Variants in IQCJ observed in about 807,000 individuals in gnomAD.
IQCJ encodes IQ domain-containing protein J.
A neutral mutation model predicts 11.0 loss-of-function variants in IQCJ; 9 were observed. The observed-to-expected ratio is 0.82, with a 90% CI of 0.49 to 1.43. IQCJ has a LOEUF of 1.43. Among genes scored for constraint, IQCJ ranks in the 40% most tolerant of loss-of-function variants. The pLI is 0.00. For missense variants in IQCJ, 146 were observed against 133.2 expected, an observed-to-expected ratio of 1.10 and a Z score of -0.47; for synonymous variants, 55 against 51.3, an observed-to-expected ratio of 1.07 and a Z score of -0.31.
At chr3:159,228,047 C>T (rs569054543) in intron 1 of IQCJ, among the ~76,000 whole-genome samples, 3 of 152,296 alleles carry the variant, frequency 2.0e-5, no homozygotes, top group Non-Finnish European at 2.9e-5. Flanking sequence ...GTAGAGATTC[C>T]ATTCCATGTT....
intron 2 of IQCJ, among the ~76,000 whole-genome samples, chr3:159,249,102 C>T (rs552148350): frequency 9.9e-5 from 15 of 152,228 alleles, no homozygotes; most frequent in Middle Eastern, 3.4e-3. Context: ...GTAATCCACC[C>T]GCCTTGGCCT....
chr3:159,185,704 G>A (rs767897360), intron 1 of IQCJ, among the ~76,000 whole-genome samples: 6 of 152,098 alleles, frequency 3.9e-5, no homozygotes, highest in South Asian at 4.2e-4. Context: ...ATTCCTTTCC[G>A]GCTTTTAGCA....
intron 1 of IQCJ, among the ~76,000 whole-genome samples, chr3:159,194,498 A>G (rs964002942): frequency 6.6e-6 from 1 of 152,186 alleles, no homozygotes; most frequent in African/African-American, 2.4e-5. Context: ...ATCTCCTACA[A>G]TTAGCCCTAG....
chr3:159,161,062 A>G (rs753438578), intron 1 of IQCJ, among the ~76,000 whole-genome samples: 59 of 152,272 alleles, frequency 3.9e-4, no homozygotes, highest in South Asian at 1.2e-3. Flanking sequence ...TGGGATGGCT[A>G]GGTCAAATGA....
chr3:159,079,248 C>T (rs1458081413), intron 1 of IQCJ, among the ~76,000 whole-genome samples: 1 of 152,094 alleles, frequency 6.6e-6, no homozygotes, highest in Non-Finnish European at 1.5e-5. Flanking sequence ...GAGTTCACCA[C>T]CTTTCCAGTT....
intron 1 of IQCJ, among the ~76,000 whole-genome samples, chr3:159,240,758 T>C (rs1414483478): frequency 1.3e-5 from 2 of 151,730 alleles, no homozygotes; most frequent in Non-Finnish European, 2.9e-5. Flanking sequence ...CCCAGCTAAT[T>C]TTTTTGTACT....
chr3:159,145,466 T>G (rs1720872405), intron 1 of IQCJ, among the ~76,000 whole-genome samples: 1 of 152,192 alleles, frequency 6.6e-6, no homozygotes, highest in African/African-American at 2.4e-5. Flanking sequence ...ATAAGTAGCC[T>G]TAAAATTTCC....
Position 159,153,131 on chromosome 3 carries a change from AT to A in IQCJ, c.9+83696del, listed in dbSNP as rs1472431055. Among the ~76,000 whole-genome samples the A allele has an allele frequency of 2.0e-5, 3 of 152,190 alleles. No homozygotes were observed. The East Asian group carries it at 5.8e-4, about 29-fold the overall frequency. On this transcript the variant is annotated intron_variant, in intron 1 of 3. Coordinates refer to ENST00000397832, the MANE Select transcript of IQCJ (RefSeq NM_001042706.3). Reference sequence around the variant, plus strand: ...AAACATTAAACTTTTCTTAATTTTTATTTTTTAAGATAATATTTGGCATACT... The same window carrying A: ...AAACATTAAACTTTTCTTAATTTTTATTTTTAAGATAATATTTGGCATACT...
chr3:159,077,393 A>T (rs954269886), intron 1 of IQCJ, among the ~76,000 whole-genome samples: 1 of 152,140 alleles, frequency 6.6e-6, no homozygotes, highest in Non-Finnish European at 1.5e-5. Flanking sequence ...GAGCAAAGAC[A>T]TGTGGTGAAG....
chr3:159,088,727 G>C (rs1021225870), intron 1 of IQCJ, among the ~76,000 whole-genome samples: 7 of 151,528 alleles, frequency 4.6e-5, no homozygotes, highest in African/African-American at 1.5e-4. Flanking sequence ...TTTTATCAGA[G>C]ACTAGGATTG....
intron 1 of IQCJ, among the ~76,000 whole-genome samples, chr3:159,208,794 T>C (rs965392379): frequency 1.3e-5 from 2 of 152,166 alleles, no homozygotes; most frequent in Non-Finnish European, 2.9e-5. Flanking sequence ...GATCTCAAGA[T>C]CTTTTGAGAT....
At chr3:159,140,545 T>G (rs867556387) in intron 1 of IQCJ, among the ~76,000 whole-genome samples, 2 of 152,164 alleles carry the variant, frequency 1.3e-5, no homozygotes, top group South Asian at 4.1e-4. Flanking sequence ...GTGAAGTCAT[T>G]AGATGGTTTT....
intron 1 of IQCJ, among the ~76,000 whole-genome samples, chr3:159,201,396 A>G (rs1182191745): frequency 6.6e-6 from 1 of 152,200 alleles, no homozygotes; most frequent in Non-Finnish European, 1.5e-5. Context: ...CAAGCACGTT[A>G]GTGGAGAAAA....
chr3:159,095,004 T>A (rs993015604), intron 1 of IQCJ, among the ~76,000 whole-genome samples: 3 of 151,894 alleles, frequency 2.0e-5, no homozygotes, highest in Admixed American at 2.0e-4. Flanking sequence ...GGTTTCCCCA[T>A]TCCCACTTCC....
chr3:159,076,298 C>G (rs1337397705), intron 1 of IQCJ, among the ~76,000 whole-genome samples: 1 of 152,046 alleles, frequency 6.6e-6, no homozygotes, highest in African/African-American at 2.4e-5. Context: ...AATTTGAGCT[C>G]ATACTTTATG....
In IQCJ at chr3:159,150,874, G is replaced by A. The variant is rs546827894; in HGVS notation, c.9+81433G>A. On this transcript the variant is annotated intron_variant, in intron 1 of 3. Coordinates refer to ENST00000397832, the MANE Select transcript of IQCJ (RefSeq NM_001042706.3). ...CTACTCAGCTCTCATGGTTCAGAGC[G>A]TCATATCCATGTTTCTGAATGACTA... Among the ~76,000 whole-genome samples, 17 of 152,228 alleles carry A rather than the reference G, an allele frequency of 1.1e-4. 1 individual carries two copies. The highest frequency in any genetic ancestry group is 8.3e-4 in the South Asian group (4 of 4,820).
At chr3:159,114,549 G>A (rs1213080031) in intron 1 of IQCJ, among the ~76,000 whole-genome samples, 10 of 80,346 alleles carry the variant, frequency 1.2e-4, no homozygotes, top group Admixed American at 1.1e-3. Context: ...GACCTCCAGT[G>A]ATCCACCCCC....
chr3:159,096,519 A>G (rs1717769526), intron 1 of IQCJ, among the ~76,000 whole-genome samples: 1 of 93,482 alleles, frequency 1.1e-5, no homozygotes, highest in Non-Finnish European at 2.1e-5. Flanking sequence ...TAAATCTTTA[A>G]TCCATCTTGA....
intron 1 of IQCJ, among the ~76,000 whole-genome samples, chr3:159,153,664 A>C (rs551976438): frequency 6.6e-6 from 1 of 152,354 alleles, no homozygotes; most frequent in East Asian, 1.9e-4. Flanking sequence ...ATGAAGATTA[A>C]GTGAAAAGCT....
Sources: allele counts gnomAD v4.1 joint callset (sites outside exome capture counted in the v4.1 genomes callset), GRCh38; gene constraint gnomAD v4.1.1; transcripts MANE v1.5; gene names NCBI Gene and HGNC (gene_info 2026-07-23, HGNC 2026-07-21).